Variants in AQP7B observed in about 807,000 individuals in gnomAD.
AQP7B encodes the protein putative aquaporin-7B.
the AQP7B span, among the ~76,000 whole-genome samples, chr2:94,597,939 C>A: frequency 1.3e-5 from 2 of 152,166 alleles, no homozygotes; most frequent in African/African-American, 2.4e-5. Context: ...CCTCTATGCT[C>A]TGTACCTTAG....
chr2:94,593,945 C>A, the AQP7B span, among the ~76,000 whole-genome samples: 2 of 152,268 alleles, frequency 1.3e-5, no homozygotes, highest in Non-Finnish European at 2.9e-5. Context: ...AAGTGCCAGG[C>A]CCTTTGGGAA....
the AQP7B span, chr2:94,603,010 C>T: frequency 1.9e-6 from 3 of 1,584,290 alleles, no homozygotes; most frequent in South Asian, 2.3e-5. Flanking sequence ...GCTCTCACTC[C>T]CTGACACACT....
chr2:94,589,256 G>A, the AQP7B span, among the ~76,000 whole-genome samples: 2 of 150,514 alleles, frequency 1.3e-5, no homozygotes, highest in South Asian at 2.1e-4. Flanking sequence ...TGATCCACCC[G>A]CCTCGGCCTC....
chr2:94,604,491 T>A, the AQP7B span: 1 of 1,610,926 alleles, frequency 6.2e-7, no homozygotes, highest in East Asian at 2.2e-5. Context: ...CCCCTCACCC[T>A]CATCTCCGTG....
At chr2:94,601,831 C>T in the AQP7B span, among the ~76,000 whole-genome samples, 1 of 152,174 alleles carries the variant, frequency 6.6e-6, no homozygotes, top group South Asian at 2.1e-4. Flanking sequence ...CTGAAGGGAA[C>T]AGTGGCTCTA....
the AQP7B span, among the ~76,000 whole-genome samples, chr2:94,593,749 G>A: frequency 3.3e-5 from 5 of 152,128 alleles, no homozygotes; most frequent in East Asian, 3.9e-4. Flanking sequence ...GCCTCCCAAA[G>A]TGCTGGGATT....
the AQP7B span, among the ~76,000 whole-genome samples, chr2:94,600,702 A>G: frequency 6.6e-6 from 1 of 152,060 alleles, no homozygotes; most frequent in Non-Finnish European, 1.5e-5. Context: ...ACATCGTGAA[A>G]CCCTGTCTCT....
At chr2:94,589,686 C>T in the AQP7B span, among the ~76,000 whole-genome samples, 15 of 152,170 alleles carry the variant, frequency 9.9e-5, no homozygotes, top group East Asian at 1.9e-4. Context: ...CTCTAGCCTA[C>T]GTCTCTTTCC....
chr2:94,588,532 C>A, the AQP7B span: 1 of 867,150 alleles, frequency 1.2e-6, no homozygotes, highest in South Asian at 1.5e-5. Flanking sequence ...ATGGTTCAAG[C>A]ATCTGGGCAC....
chr2:94,600,456 GC>G, the AQP7B span, among the ~76,000 whole-genome samples: 1 of 152,174 alleles, frequency 6.6e-6, no homozygotes, highest in African/African-American at 2.4e-5. Flanking sequence ...TTCTGGCCAG[GC>G]ATGGTGGCTC....
At chr2:94,594,318 G>C in the AQP7B span, among the ~76,000 whole-genome samples, 5 of 152,184 alleles carry the variant, frequency 3.3e-5, no homozygotes, top group Admixed American at 1.3e-4. Flanking sequence ...GCCCTGGCCT[G>C]TGACCCCAAA....
the AQP7B span, among the ~76,000 whole-genome samples, chr2:94,601,268 A>T: frequency 6.6e-6 from 1 of 152,192 alleles, no homozygotes; most frequent in African/African-American, 2.4e-5. Flanking sequence ...CTTAACTATC[A>T]TTTGCAACAT....
the AQP7B span, chr2:94,603,039 G>A: frequency 1.3e-6 from 2 of 1,596,700 alleles, no homozygotes; most frequent in Non-Finnish European, 1.7e-6. Context: ...GCCCGCAGGA[G>A]CCCACATGAA....
chr2:94,601,594 C>T, the AQP7B span, among the ~76,000 whole-genome samples: 4 of 151,866 alleles, frequency 2.6e-5, no homozygotes, highest in Non-Finnish European at 5.9e-5. Context: ...GGAGGGGGTG[C>T]GAGGGAAGGG....
At chr2:94,603,411 G>A in the AQP7B span, 91 of 1,608,768 alleles carry the variant, frequency 5.7e-5, no homozygotes, top group Middle Eastern at 6.6e-4. Context: ...CGGGTGGAGA[G>A]CTGATGGTGA....
the AQP7B span, among the ~76,000 whole-genome samples, chr2:94,591,051 T>A: frequency 1.3e-5 from 2 of 152,070 alleles, no homozygotes; most frequent in South Asian, 4.1e-4. Context: ...GGGATCTGGT[T>A]GGCTGTCAGT....
At chr2:94,603,257 T>C in the AQP7B span, 1 of 1,386,698 alleles carries the variant, frequency 7.2e-7, no homozygotes, top group Non-Finnish European at 9.9e-7. Flanking sequence ...GTGTCCTGAT[T>C]TGTAAAAAAT....
the AQP7B span, among the ~76,000 whole-genome samples, chr2:94,594,180 G>A: frequency 6.6e-6 from 1 of 152,158 alleles, no homozygotes. Context: ...ACAGCCTCAT[G>A]CATTTTGCTG....
the AQP7B span, chr2:94,604,458 G>T: frequency 6.2e-7 from 1 of 1,611,344 alleles, no homozygotes; most frequent in African/African-American, 1.3e-5. Context: ...CCCAAGATGG[G>T]ATCTCATGAA....
Sources: allele counts gnomAD v4.1 joint callset (sites outside exome capture counted in the v4.1 genomes callset), GRCh38; gene constraint gnomAD v4.1.1; transcripts MANE v1.5; gene names NCBI Gene and HGNC (gene_info 2026-07-23, HGNC 2026-07-21).